The following BTBD18 variants were observed in gnomAD, a reference collection of about 807,000 sequenced individuals.
The protein encoded by BTBD18 is BTB domain containing 18.
For synonymous variants in BTBD18, 311 were observed against 324.4 expected, an observed-to-expected ratio of 0.96 and a Z score of 0.44; for missense variants, 787 against 846.3, an observed-to-expected ratio of 0.93 and a Z score of 0.87.
intron 2 of BTBD18, 44 bp from the exon 3 acceptor site, chr11:57,746,192 T>G: frequency 6.9e-7 from 1 of 1,444,672 alleles, no homozygotes; most frequent in Non-Finnish European, 9.3e-7. Context: ...TAGACTGGCA[T>G]GTTCATGGGC....
At position 57,745,127 on chromosome 11, in the gene BTBD18, A is replaced by G. The variant is rs1949164398; in HGVS notation, c.1146T>C (p.Asp382=). Residue 382 remains aspartate (D), a synonymous_variant, in exon 3 of 3, where the codon GAT becomes GAC. Transcript: ENST00000422652. ...VQETPLKNTQ[D]SPQIPDPGGD... is the part of the protein sequence containing the mutation. ...CTCCGGGATCTGGGATCTGGGGGCT[A>G]TCTTGAGTGTTTTTGAGAGGAGTCT... 1.3e-6 allele frequency: 2 copies of G among 1,551,668 alleles called. No individual in the cohort carries two copies. Among genetic ancestry groups the G allele is most frequent in the South Asian group, 1.2e-5 (1 of 84,062 alleles).
In BTBD18 at chr11:57,746,072, C is replaced by T. The variant is rs985350381; in HGVS notation, c.201G>A (p.Arg67=). Residue 67 remains arginine (R), a synonymous_variant, in exon 3 of 3, where the codon AGG becomes AGA. Transcript: ENST00000422652. ...PFFTERLERE[R]PAQGGKVVLE... The stretch of plus-strand genomic sequence containing the variant: ...GCACCACCTTCCCACCCTGAGCTGG[C>T]CTCTCCCGCTCCAGGCGCTCTGTGA... 52 of 1,551,506 alleles carry T rather than the reference C, an allele frequency of 3.4e-5. No homozygotes were observed. The highest frequency in any genetic ancestry group is 4.3e-5 in the Non-Finnish European group (49 of 1,146,940).
chr11:57,751,147 G>C lies in BTBD18; in HGVS notation c.42C>G (p.Pro14=). The change falls in exon 2 of 3, where the codon CCC becomes CCG. Residue 14 remains proline (P), a synonymous_variant. Coordinates refer to ENST00000422652, the MANE Select transcript of BTBD18 (RefSeq NM_001145101.3). ...GCAGAAAAGCTAACCTGAGGAACCG[G>C]GGGTTCCTGTATAGGATTTTGGGAC... ...PASPKILYRN[P]RFLRLAFLQL... 4.5e-6 allele frequency: 7 copies of C among 1,549,282 alleles called. No homozygotes were observed. Among genetic ancestry groups the C allele is most frequent in the Non-Finnish European group, 6.1e-6 (7 of 1,145,532 alleles).
Position 57,746,164 on chromosome 11 carries a change from A to T in BTBD18, c.125-16T>A. ...ACTGCCTCACCTGAAGGGAAACCCAAATACTTTTGTTATCAGGTAGACTGG... is the reference window on the plus strand; with the variant it reads ...ACTGCCTCACCTGAAGGGAAACCCATATACTTTTGTTATCAGGTAGACTGG... On this transcript the variant is annotated splice_polypyrimidine_tract_variant and intron_variant, in intron 2 of 2. Coordinates refer to ENST00000422652, the MANE Select transcript of BTBD18 (RefSeq NM_001145101.3). 1 of 1,520,014 alleles carries T rather than the reference A, an allele frequency of 6.6e-7. No homozygotes were observed. Among genetic ancestry groups the T allele is most frequent in the Non-Finnish European group, 8.8e-7 (1 of 1,130,832 alleles). The allele number at this position is 1,520,014 out of a possible 1,614,324, so 94.2% of individuals were successfully genotyped here.
At chr11:57,752,985 G>A (rs1287593331), upstream of BTBD18, among the ~76,000 whole-genome samples, 1 of 152,236 alleles carries the variant, frequency 6.6e-6, no homozygotes, top group Non-Finnish European at 1.5e-5. Context: ...TTCCCGTCAC[G>A]GCCACCTCCG....
chr11:57,745,956 T>C lies in BTBD18; in HGVS notation c.317A>G (p.Gln106Arg). The part of the protein sequence containing the change: ...SEMEVSQEEA[Q>R]DVLSAARQLR... ...CTGACGGGCAGCAGATAGCACATCC[T>C]GGGCTTCTTCTTGAGATACTTCCAT... Residue 106 changes from glutamine (Q) to arginine (R), a missense_variant, in exon 3 of 3, where the codon CAG becomes CGG. Gln to Arg is a conservative substitution (Grantham distance 43). Transcript: ENST00000422652. 2 of 1,551,694 alleles carry C rather than the reference T, an allele frequency of 1.3e-6. No individual in the cohort carries two copies. The highest frequency in any genetic ancestry group is 1.7e-6 in the Non-Finnish European group (2 of 1,146,992).
chr11:57,744,803 G>T lies in BTBD18; in HGVS notation c.1470C>A (p.Ala490=). The change falls in exon 3 of 3, where the codon GCC becomes GCA. Residue 490 remains alanine, a synonymous_variant. Transcript: ENST00000422652. Reference sequence around the variant, plus strand: ...CCAGGATCTCCTCCAGCTCACTGGTGGCAGCAGCACTTGTGATTCGGTACT... The same window carrying T: ...CCAGGATCTCCTCCAGCTCACTGGTTGCAGCAGCACTTGTGATTCGGTACT... ...AEEYRITSAA[A]TSELEEILDF... is the part of the protein sequence containing the mutation. 6.4e-7 allele frequency: 1 copy of T among 1,551,730 alleles called. No individual in the cohort carries two copies. Among genetic ancestry groups the T allele is most frequent in the Non-Finnish European group, 8.7e-7 (1 of 1,146,998 alleles).
In BTBD18 at chr11:57,743,945, T is replaced by C; in HGVS notation, c.*189A>G. The C allele has an allele frequency of 1.9e-6, 1 of 536,900 alleles. No individual in the cohort carries two copies. The highest frequency in any genetic ancestry group is 2.8e-5 in the South Asian group (1 of 35,494). 33.3% of individuals were successfully genotyped at this position (536,900 alleles called of 1,614,324 possible). ...AATAAGATGGTACAAGTTCATAATT[T>C]TCTATCTATGGTACCCTTGGCTTCT... On this transcript the variant is annotated 3_prime_UTR_variant, in exon 3 of 3. Coordinates refer to ENST00000422652, the MANE Select transcript of BTBD18 (RefSeq NM_001145101.3).
chr11:57,744,512 T>C lies in BTBD18; in HGVS notation c.1761A>G (p.Val587=). The change falls in exon 3 of 3, where the codon GTA becomes GTG. Residue 587 remains valine (V), a synonymous_variant. Transcript: ENST00000422652. ...CAAGGTCTGGTGTCCAACGGCCTCC[T>C]ACTGAAAGCACTTCACTCACCTCAG... ...MPSEVSEVLS[V]GGRWTPDLEI... 1 of 1,551,654 alleles carries C rather than the reference T, an allele frequency of 6.4e-7. No homozygotes were observed. Among genetic ancestry groups the C allele is most frequent in the South Asian group, 1.2e-5 (1 of 84,064 alleles).
intron 2 of BTBD18, among the ~76,000 whole-genome samples, 157 bp downstream of exon 2, chr11:57,750,908 T>C (rs972230788): frequency 1.3e-5 from 2 of 152,226 alleles, no homozygotes; most frequent in Non-Finnish European, 1.5e-5. Flanking sequence ...TTGAAAACAG[T>C]AGTAATTGTC....
rs1227833798 is a variant in BTBD18 at position 57,745,357 on chromosome 11, CTTT to C, written c.913_915del (p.Lys305del). 3.9e-6 allele frequency: 6 copies of C among 1,551,558 alleles called. No individual in the cohort carries two copies. Among genetic ancestry groups the C allele is most frequent in the Non-Finnish European group, 5.2e-6 (6 of 1,147,014 alleles). ...GGTTTTGGCTTGTCCTCTGGTGTTT[CTTT>C]ATTTACACTCCTCTGCCGCCAAAGA... On this transcript the variant is annotated inframe_deletion, in exon 3 of 3. Coordinates refer to ENST00000422652, the MANE Select transcript of BTBD18 (RefSeq NM_001145101.3).
Position 57,744,674 on chromosome 11 carries a change from T to C in BTBD18, c.1599A>G (p.Gly533=). Residue 533 remains glycine (G), a synonymous_variant, in exon 3 of 3, where the codon GGA becomes GGG. Coordinates refer to ENST00000422652, the MANE Select transcript of BTBD18 (RefSeq NM_001145101.3). ...ATTCTTCCCCTTCAATCCAGTTCTT[T>C]CCTGTTTCTGTCAGATGGTAGGTAG... ...RTPTYHLTET[G]KNWIEGEEWC... is the part of the protein sequence containing the mutation. 1.3e-6 allele frequency: 2 copies of C among 1,551,718 alleles called. No individual in the cohort carries two copies. Among genetic ancestry groups the C allele is most frequent in the African/African-American group, 1.4e-5 (1 of 73,162 alleles).
chr11:57,748,733 T>TCTAA (rs1949242054), intron 2 of BTBD18, among the ~76,000 whole-genome samples: 1 of 152,288 alleles, frequency 6.6e-6, no homozygotes, highest in East Asian at 1.9e-4. Context: ...CAGCTGCCTA[T>TCTAA]CTAGGCTCAG....
In BTBD18 at chr11:57,751,183, G is replaced by A; in HGVS notation, c.6C>T (p.Cys2=). 6.5e-7 allele frequency: 1 copy of A among 1,539,312 alleles called. No individual in the cohort carries two copies. The highest frequency in any genetic ancestry group is 8.7e-7 in the Non-Finnish European group (1 of 1,142,892). Residue 2 remains cysteine (C), a synonymous_variant, in exon 2 of 3, where the codon TGC becomes TGT. Coordinates refer to ENST00000422652, the MANE Select transcript of BTBD18 (RefSeq NM_001145101.3). ...ATAGGATTTTGGGACTGGCAGGAGA[G>A]CACATGTTGGCAAGAGTCTTAACAA... M[C]SPASPKILYR... is the part of the protein sequence containing the mutation.
At chr11:57,752,954 C>T (rs753157632), upstream of BTBD18, among the ~76,000 whole-genome samples, 2 of 152,236 alleles carry the variant, frequency 1.3e-5, no homozygotes, top group Non-Finnish European at 2.9e-5. Context: ...CGTGGGGATC[C>T]GGGAGGCCCA....
chr11:57,744,288 G>A lies in BTBD18; in HGVS notation c.1985C>T (p.Ser662Phe), dbSNP rs933976213. 1.3e-6 allele frequency: 2 copies of A among 1,551,544 alleles called. No homozygotes were observed. The highest frequency in any genetic ancestry group is 2.7e-5 in the African/African-American group (2 of 73,032). ...PKAGKEVSGH[S>F]ELLGSLPASS... ...GGCAGGAAGTGAGCCTAGTAGTTCA[G>A]AGTGACCAGATACCTCCTTGCCTGC... The change falls in exon 3 of 3, where the codon TCT (serine) becomes TTT (phenylalanine). Residue 662 changes from serine (S) to phenylalanine (F), a missense_variant. Transcript: ENST00000422652.
In BTBD18 at chr11:57,744,363, C is replaced by T. The variant is rs941241719; in HGVS notation, c.1910G>A (p.Gly637Glu). 4 of 1,551,520 alleles carry T rather than the reference C, an allele frequency of 2.6e-6. No individual in the cohort carries two copies. In the African/African-American group the frequency reaches 5.5e-5, roughly 21 times the overall value. The change falls in exon 3 of 3, where the codon GGG (glycine) becomes GAG (glutamate). Residue 637 changes from glycine (G) to glutamate (E), a missense_variant. Gly to Glu is a moderately conservative substitution (Grantham distance 98, BLOSUM62 -2). Transcript: ENST00000422652. Reference sequence around the variant, plus strand: ...ATCTGTAGTCAAGGAGACTTCCAGCCCAGTCTCCACCCAGTTTGAGCAGGG... The same window carrying T: ...ATCTGTAGTCAAGGAGACTTCCAGCTCAGTCTCCACCCAGTTTGAGCAGGG... ...SPPCSNWVET[G>E]LEVSLTTDEL...
At position 57,746,057 on chromosome 11, in the gene BTBD18, C is replaced by A. The variant is rs1949181789; in HGVS notation, c.216G>T (p.Gly72=). The change falls in exon 3 of 3, where the codon GGG becomes GGT. Residue 72 remains glycine, a synonymous_variant. Transcript: ENST00000422652. Reference sequence around the variant, plus strand: ...GGCCACCCAGCTCTAGCACCACCTTCCCACCCTGAGCTGGCCTCTCCCGCT... The same window carrying A: ...GGCCACCCAGCTCTAGCACCACCTTACCACCCTGAGCTGGCCTCTCCCGCT... ...RLERERPAQG[G]KVVLELGGLK... The A allele has an allele frequency of 2.6e-6, 4 of 1,551,688 alleles. No individual in the cohort carries two copies. The East Asian group carries it at 9.8e-5, about 38-fold the overall frequency.
At chr11:57,747,171 A>C (rs541028628) in intron 2 of BTBD18, among the ~76,000 whole-genome samples, 354 of 152,324 alleles carry the variant, frequency 2.3e-3, no homozygotes, top group African/African-American at 8.3e-3. Flanking sequence ...GAGCCACCTC[A>C]TTTAATGGGT....
Sources: gnomAD v4.1 joint callset for allele counts (sites outside exome capture counted in the v4.1 genomes callset) on GRCh38, gnomAD v4.1.1 for gene constraint, MANE v1.5 for transcripts, NCBI Gene and HGNC (gene_info 2026-07-23, HGNC 2026-07-21) for gene names.